SRBD1: variants seen among roughly 807,000 people sequenced by gnomAD.
SRBD1 encodes S1 RNA binding domain 1.
In SRBD1, 88 loss-of-function variants were observed where a neutral mutation model predicts 115.3. The observed-to-expected ratio is 0.76, with a 90% confidence interval of 0.64 to 0.91. The LOEUF (loss-of-function observed/expected upper bound fraction) is 0.91, where lower values mean the gene tolerates loss of function less well. SRBD1 is among the 40% of genes least tolerant of loss of function. The pLI, the probability that SRBD1 is intolerant of heterozygous loss-of-function variation, is 0.00. For missense variants in SRBD1, 1,385 were observed against 1,177.4 expected, an observed-to-expected ratio of 1.18 and a Z score of -2.58; for synonymous variants, 509 against 407.7, an observed-to-expected ratio of 1.25 and a Z score of -2.99.
chr2:45,419,110 T>C (rs1667922808), intron 17 of SRBD1, among the ~76,000 whole-genome samples: 1 of 152,244 alleles, frequency 6.6e-6, no homozygotes, highest in Non-Finnish European at 1.5e-5. Flanking sequence ...AACTCTATTA[T>C]AAAATTCCAT....
intron 11 of SRBD1, among the ~76,000 whole-genome samples, chr2:45,552,213 A>G (rs892392593): frequency 2.0e-5 from 3 of 152,340 alleles, no homozygotes; most frequent in Admixed American, 2.0e-4. Context: ...AAAATGGTCT[A>G]AAAAACAAAC....
chr2:45,491,454 C>T (rs1402053576), intron 14 of SRBD1, among the ~76,000 whole-genome samples: 1 of 152,072 alleles, frequency 6.6e-6, no homozygotes, highest in East Asian at 1.9e-4. Context: ...TTTTAACTGC[C>T]ACAGTTGTAA....
intron 14 of SRBD1, among the ~76,000 whole-genome samples, chr2:45,501,323 T>G (rs1054607726): frequency 6.6e-6 from 1 of 152,006 alleles, no homozygotes; most frequent in African/African-American, 2.4e-5. Context: ...GGAGGGGAGG[T>G]GGTTCCAAGA....
At chr2:45,424,394 A>C (rs368630806) in intron 16 of SRBD1, among the ~76,000 whole-genome samples, 1 of 152,126 alleles carries the variant, frequency 6.6e-6, no homozygotes, top group African/African-American at 2.4e-5. Flanking sequence ...TTGTGTAAAA[A>C]GGTATTTTTA....
chr2:45,479,684 G>A (rs759470712), intron 15 of SRBD1, among the ~76,000 whole-genome samples: 1 of 152,202 alleles, frequency 6.6e-6, no homozygotes, highest in African/African-American at 2.4e-5. Context: ...AACAGCAATT[G>A]CTGATGTAGA....
intron 14 of SRBD1, among the ~76,000 whole-genome samples, chr2:45,517,463 T>C (rs1050884995): frequency 1.3e-5 from 2 of 152,290 alleles, no homozygotes; most frequent in Admixed American, 6.5e-5. Flanking sequence ...GTGAAATCCT[T>C]TGGATTAGGT....
chr2:45,497,121 T>C (rs1384507676), intron 14 of SRBD1, among the ~76,000 whole-genome samples: 1 of 152,202 alleles, frequency 6.6e-6, no homozygotes, highest in African/African-American at 2.4e-5. Flanking sequence ...TTAGGAGACA[T>C]AATTCCTTTC....
In SRBD1 at chr2:45,413,306, A is replaced by C. The variant is rs1377521852; in HGVS notation, c.2334-13T>G. The stretch of plus-strand genomic sequence containing the variant: ...TTCAGTTTGCTGACTATATAAAACC[A>C]GAAAAAACCACATTTATGAAAAGGG... On this transcript the variant is annotated splice_polypyrimidine_tract_variant and intron_variant, in intron 18 of 20. Transcript: ENST00000263736. 6.3e-7 allele frequency: 1 copy of C among 1,598,998 alleles called. No individual in the cohort carries two copies. The highest frequency in any genetic ancestry group is 2.2e-5 in the East Asian group (1 of 44,756).
At chr2:45,415,510 G>T (rs543817966) in intron 18 of SRBD1, among the ~76,000 whole-genome samples, 2 of 145,814 alleles carry the variant, frequency 1.4e-5, no homozygotes, top group Non-Finnish European at 3.0e-5. Flanking sequence ...TATATAGTGT[G>T]TATGTGTATA....
chr2:45,571,950 G>A (rs762165559), intron 9 of SRBD1, among the ~76,000 whole-genome samples: 20 of 152,052 alleles, frequency 1.3e-4, no homozygotes, highest in African/African-American at 3.9e-4. Flanking sequence ...AGAGAAAGGC[G>A]CAGAAAGGAT....
At position 45,413,198 on chromosome 2, in the gene SRBD1, CTCT is replaced by C. The variant is rs1256099794; in HGVS notation, c.2426_2428del (p.Lys809del). 1.9e-6 allele frequency: 3 copies of C among 1,614,102 alleles called. No homozygotes were observed. Among genetic ancestry groups the C allele is most frequent in the Non-Finnish European group, 2.5e-6 (3 of 1,179,994 alleles). On this transcript the variant is annotated inframe_deletion, in exon 19 of 21. Transcript: ENST00000263736. Reference sequence around the variant, plus strand: ...CAGTAAAACATTCACTGCAGTTTTGCTCTTCTTTTTGCCCTGCTTCTCATTTGT... The same window carrying C: ...CAGTAAAACATTCACTGCAGTTTTGCTCTTTTTGCCCTGCTTCTCATTTGT...
intron 14 of SRBD1, among the ~76,000 whole-genome samples, chr2:45,524,807 G>C (rs1281137836): frequency 6.6e-6 from 1 of 151,972 alleles, no homozygotes; most frequent in Non-Finnish European, 1.5e-5. Flanking sequence ...TAAAATTCAA[G>C]TGGAATTGAA....
At chr2:45,420,946 G>A (rs2103638164) in intron 16 of SRBD1, among the ~76,000 whole-genome samples, 1 of 152,304 alleles carries the variant, frequency 6.6e-6, no homozygotes, top group East Asian at 1.9e-4. Flanking sequence ...CATGTGCCAT[G>A]TTGGTGGTAG....
chr2:45,527,786 T>C (rs1671494099), intron 14 of SRBD1, among the ~76,000 whole-genome samples: 1 of 151,872 alleles, frequency 6.6e-6, no homozygotes, highest in African/African-American at 2.4e-5. Flanking sequence ...AAGCTATAAT[T>C]TGAACCTGGT....
intron 19 of SRBD1, among the ~76,000 whole-genome samples, chr2:45,402,406 T>C (rs1481978166): frequency 2.0e-5 from 3 of 152,158 alleles, no homozygotes; most frequent in Admixed American, 6.6e-5. Flanking sequence ...TTTTCAACAT[T>C]GATTGTAAGG....
intron 2 of SRBD1, 110 bp downstream of exon 2, chr2:45,605,252 A>T (rs1290337381): frequency 1.1e-6 from 1 of 948,064 alleles, no homozygotes; most frequent in Non-Finnish European, 1.6e-6. Flanking sequence ...ATGAATAAAA[A>T]AAGTTTTTTC....
At chr2:45,504,616 A>G (rs189410850) in intron 14 of SRBD1, among the ~76,000 whole-genome samples, 122 of 152,294 alleles carry the variant, frequency 8.0e-4, no homozygotes, top group African/African-American at 2.6e-3. Flanking sequence ...CTTTTTCACC[A>G]ATTTCCTTCC....
Position 45,593,643 on chromosome 2 carries a change from C to T in SRBD1, c.648+5806G>A, listed in dbSNP as rs559526540. On this transcript the variant is annotated intron_variant, in intron 4 of 20. Transcript: ENST00000263736. Reference sequence around the variant, plus strand: ...AGGCAGCATCTGCATTTTAAAAGAACATCTAAGTTAAATGACTCTCTAATG... The same window carrying T: ...AGGCAGCATCTGCATTTTAAAAGAATATCTAAGTTAAATGACTCTCTAATG... 1.7e-4 allele frequency among the ~76,000 whole-genome samples: 26 copies of T among 152,318 alleles called. No individual in the cohort carries two copies. The South Asian group carries it at 4.6e-3, about 27-fold the overall frequency.
intron 16 of SRBD1, among the ~76,000 whole-genome samples, chr2:45,457,103 A>T (rs1669178734): frequency 6.6e-6 from 1 of 151,998 alleles, no homozygotes; most frequent in South Asian, 2.1e-4. Flanking sequence ...TATCAAATAG[A>T]AAAGTCTAAC....
Sources: gnomAD v4.1 joint callset for allele counts (sites outside exome capture counted in the v4.1 genomes callset) on GRCh38, gnomAD v4.1.1 for gene constraint, MANE v1.5 for transcripts, NCBI Gene and HGNC (gene_info 2026-07-23, HGNC 2026-07-21) for gene names.